The following MPP7 variants were observed in gnomAD, a reference collection of about 807,000 sequenced individuals.
The protein encoded by MPP7 is MAGUK p55 subfamily member 7.
MPP7 carries 60 observed loss-of-function variants against 76.5 expected under a neutral mutation model. The ratio of observed to expected loss-of-function variants is 0.78; its 90% CI spans 0.64 to 0.97. The LOEUF is 0.97. Among genes scored for constraint, MPP7 ranks in the 50% least tolerant of loss-of-function variants. MPP7 has a pLI of 0.00. For synonymous variants in MPP7, 237 were observed against 244.5 expected (o/e 0.97, Z 0.29); for missense variants, 641 against 694.0 (o/e 0.92, Z 0.86).
At chr10:28,079,119 T>A (rs931373200) in intron 12 of MPP7, among the ~76,000 whole-genome samples, 1 of 152,160 alleles carries the variant, frequency 6.6e-6, no homozygotes, top group African/African-American at 2.4e-5. Context: ...AGACGTAGGG[T>A]ATTTTCATTG....
At chr10:28,067,810 CTG>C (rs1445296677) in intron 13 of MPP7, among the ~76,000 whole-genome samples, 3 of 152,096 alleles carry the variant, frequency 2.0e-5, no homozygotes, top group Non-Finnish European at 2.9e-5. Context: ...CAAAGATAGT[CTG>C]TAGTTTTAAA....
rs1262007733 is a variant in MPP7, at chr10:28,262,059, GAGAATCGCTTGA to G, written c.-131-23336_-131-23325del. Among the ~76,000 whole-genome samples, 3 of 150,846 alleles carry G rather than the reference GAGAATCGCTTGA, an allele frequency of 2.0e-5. No individual in the cohort carries two copies. The East Asian group carries it at 5.8e-4, about 29-fold the overall frequency. ...CCAGCTACTCAGGAGGCTGAGGCAG[GAGAATCGCTTGA>G]ACTTGGGACCAGAGGTTGCAGTGAG... is the stretch of plus-strand genomic sequence containing the variant. On this transcript the variant is annotated intron_variant, in intron 1 of 16. Coordinates refer to ENST00000683449, the MANE Select transcript of MPP7 (RefSeq NM_001318170.2).
At chr10:28,145,722 T>C (rs2133752830) in intron 5 of MPP7, among the ~76,000 whole-genome samples, 1 of 152,342 alleles carries the variant, frequency 6.6e-6, no homozygotes, top group South Asian at 2.1e-4. Context: ...TTTCTACACA[T>C]ATGAATATAC....
chr10:28,321,805 C>T (rs181315810), intron 2 of MPP7, among the ~76,000 whole-genome samples: 3 of 152,202 alleles, frequency 2.0e-5, no homozygotes, highest in South Asian at 2.1e-4. Context: ...AGGCTGGTCT[C>T]GAACTCCTGG....
At chr10:28,107,159 G>A (rs554375812) in intron 11 of MPP7, among the ~76,000 whole-genome samples, 2 of 151,900 alleles carry the variant, frequency 1.3e-5, no homozygotes, top group Admixed American at 6.6e-5. Flanking sequence ...ACATATCATC[G>A]AACTTAAATA....
At chr10:28,291,487 C>G (rs1037853177) in intron 1 of MPP7, among the ~76,000 whole-genome samples, 2 of 152,164 alleles carry the variant, frequency 1.3e-5, no homozygotes, top group Non-Finnish European at 2.9e-5. Context: ...TGCCTGTAAT[C>G]CCAGCTGCCT....
chr10:28,095,944 T>C (rs1228191632), intron 11 of MPP7, among the ~76,000 whole-genome samples: 1 of 152,212 alleles, frequency 6.6e-6, no homozygotes, highest in African/African-American at 2.4e-5. Context: ...GCACGTTTAG[T>C]TTATTACAAT....
intron 1 of MPP7, among the ~76,000 whole-genome samples, chr10:28,264,588 T>G (rs931545061): frequency 1.3e-5 from 2 of 150,696 alleles, no homozygotes; most frequent in Non-Finnish European, 3.0e-5. Flanking sequence ...TTTTTTTTTT[T>G]AAATAAAATA....
chr10:28,125,981 T>C (rs2133647955), intron 6 of MPP7, among the ~76,000 whole-genome samples: 1 of 152,374 alleles, frequency 6.6e-6, no homozygotes, highest in East Asian at 1.9e-4. Context: ...TAAAAAGGTA[T>C]GCTTTTCAGT....
chr10:28,272,504 T>C (rs1448718434), intron 1 of MPP7, among the ~76,000 whole-genome samples: 1 of 152,204 alleles, frequency 6.6e-6, no homozygotes, highest in Non-Finnish European at 1.5e-5. Flanking sequence ...CCTCAAATAA[T>C]GAAAAGAAGT....
chr10:28,274,014 C>T (rs981005519), intron 1 of MPP7, among the ~76,000 whole-genome samples: 10 of 151,764 alleles, frequency 6.6e-5, no homozygotes, highest in African/African-American at 2.4e-4. Flanking sequence ...AATCCCAGCA[C>T]TTTGAGAGGC....
intron 2 of MPP7, among the ~76,000 whole-genome samples, chr10:28,231,314 G>A (rs752631601): frequency 5.3e-5 from 8 of 151,516 alleles, no homozygotes; most frequent in African/African-American, 9.7e-5. Context: ...AAAACTTAGC[G>A]AGAAATAGTC....
chr10:28,254,747 CAG>C (rs1839730551), intron 1 of MPP7: 1 of 152,198 alleles, frequency 6.6e-6, no homozygotes, highest in South Asian at 2.1e-4. Context: ...AGAGGAAAAA[CAG>C]GGAGAAACTT....
intron 2 of MPP7, among the ~76,000 whole-genome samples, chr10:28,216,225 G>T (rs1838305239): frequency 6.6e-6 from 1 of 151,952 alleles, no homozygotes; most frequent in Non-Finnish European, 1.5e-5. Flanking sequence ...AAAAAAAAAG[G>T]AGGATTGCCT....
chr10:28,171,126 T>G (rs1836665967), intron 3 of MPP7, among the ~76,000 whole-genome samples: 1 of 152,192 alleles, frequency 6.6e-6, no homozygotes, highest in South Asian at 2.1e-4. Flanking sequence ...TAATGTGCCC[T>G]GTCAGCATCG....
intron 3 of MPP7, among the ~76,000 whole-genome samples, chr10:28,154,793 C>T (rs1835998308): frequency 6.6e-6 from 1 of 151,672 alleles, no homozygotes; most frequent in South Asian, 2.1e-4. Flanking sequence ...GATATATAAT[C>T]TGTCCCATTT....
intron 11 of MPP7, among the ~76,000 whole-genome samples, chr10:28,097,833 T>A (rs1316061964): frequency 6.6e-6 from 1 of 152,104 alleles, no homozygotes; most frequent in Non-Finnish European, 1.5e-5. Context: ...TCCCAACCAC[T>A]AGGGGACAAA....
intron 11 of MPP7, among the ~76,000 whole-genome samples, chr10:28,095,194 C>CATATATATAT (rs10528025): frequency 0.03 from 3,904 of 130,320 alleles, 87 homozygotes; most frequent in East Asian, 0.081. Flanking sequence ...CACACATATG[C>CATATATATAT]ATATATATAT....
At chr10:28,270,779 T>C (rs1840303070) in intron 1 of MPP7, among the ~76,000 whole-genome samples, 2 of 152,232 alleles carry the variant, frequency 1.3e-5, no homozygotes, top group African/African-American at 4.8e-5. Context: ...CCTCTGGCTG[T>C]AATGCCTAGG....
Sources: gnomAD v4.1 joint callset for allele counts (sites outside exome capture counted in the v4.1 genomes callset) on GRCh38, gnomAD v4.1.1 for gene constraint, MANE v1.5 for transcripts, NCBI Gene and HGNC (gene_info 2026-07-23, HGNC 2026-07-21) for gene names.